EXOC6B: variants seen among roughly 807,000 people sequenced by gnomAD.
EXOC6B encodes the protein SEC15 homolog B.
Under a neutral mutation model 113.5 loss-of-function variants are expected in EXOC6B, and 54 were observed. That is an observed-to-expected ratio of 0.48 (90% confidence interval 0.38 to 0.60). The LOEUF (loss-of-function observed/expected upper bound fraction) is 0.60, where lower values mean the gene tolerates loss of function less well. Among genes scored for constraint, EXOC6B ranks in the 20% least tolerant of loss-of-function variants. The pLI, the probability that EXOC6B is intolerant of heterozygous loss-of-function variation, is 0.00. For missense variants in EXOC6B, 797 were observed against 977.5 expected, an observed-to-expected ratio of 0.82 and a Z score of 2.46; for synonymous variants, 357 against 339.0, an observed-to-expected ratio of 1.05 and a Z score of -0.58.
At chr2:72,303,057 T>C (rs1312097765) in intron 20 of EXOC6B, among the ~76,000 whole-genome samples, 1 of 152,216 alleles carries the variant, frequency 6.6e-6, no homozygotes, top group Non-Finnish European at 1.5e-5. Context: ...GAAAAGAATC[T>C]TATTTCTCCT....
At chr2:72,754,592 AT>A (rs1015635048) in intron 1 of EXOC6B, among the ~76,000 whole-genome samples, 5 of 147,842 alleles carry the variant, frequency 3.4e-5, no homozygotes, top group African/African-American at 1.2e-4. Context: ...TATGTATTTC[AT>A]TTTTTTAATA....
intron 1 of EXOC6B, among the ~76,000 whole-genome samples, chr2:72,808,650 G>A (rs1248867706): frequency 6.6e-6 from 1 of 152,174 alleles, no homozygotes; most frequent in African/African-American, 2.4e-5. Flanking sequence ...AGGCATAGTG[G>A]TACACACCTG....
intron 6 of EXOC6B, among the ~76,000 whole-genome samples, chr2:72,607,536 T>C (rs915873034): frequency 2.0e-5 from 3 of 152,312 alleles, no homozygotes; most frequent in South Asian, 4.1e-4. Context: ...AAATAAATTT[T>C]TTACAAATGC....
chr2:72,367,664 G>A (rs1271172528), intron 19 of EXOC6B, among the ~76,000 whole-genome samples: 4 of 152,160 alleles, frequency 2.6e-5, no homozygotes, highest in African/African-American at 9.7e-5. Flanking sequence ...ATCTTGTATT[G>A]CTGACGCCAC....
At chr2:72,777,115 C>G (rs1683753136) in intron 1 of EXOC6B, among the ~76,000 whole-genome samples, 1 of 152,124 alleles carries the variant, frequency 6.6e-6, no homozygotes, top group Non-Finnish European at 1.5e-5. Flanking sequence ...GTGGCACATG[C>G]CTGTAATCCC....
At chr2:72,498,346 T>C in intron 13 of EXOC6B, 108 bp downstream of exon 13, 1 of 659,354 alleles carries the variant, frequency 1.5e-6, no homozygotes, top group Non-Finnish European at 2.5e-6. Context: ...AAAATATAAG[T>C]AACATATACT....
chr2:72,307,766 G>A (rs990135347), intron 20 of EXOC6B, among the ~76,000 whole-genome samples: 28 of 152,058 alleles, frequency 1.8e-4, no homozygotes, highest in African/African-American at 6.8e-4. Context: ...ACATGATACT[G>A]TATATAATGT....
rs970940567 is a variant in EXOC6B at position 72,685,250 on chromosome 2, T to C, written c.669+32853A>G. The stretch of plus-strand genomic sequence containing the variant: ...TTTGAAATTTTTCAAAATGAAATGT[T>C]AAGAAAAAAAAAGTAAACTTTGATC... On this transcript the variant is annotated intron_variant, in intron 6 of 21. Transcript: ENST00000272427. Among the ~76,000 whole-genome samples the C allele has an allele frequency of 3.9e-5, 6 of 151,954 alleles. No individual in the cohort carries two copies. The East Asian group carries it at 1.2e-3, about 29-fold the overall frequency.
chr2:72,360,468 A>G (rs1690243075), intron 19 of EXOC6B, among the ~76,000 whole-genome samples: 1 of 149,394 alleles, frequency 6.7e-6, no homozygotes, highest in South Asian at 2.1e-4. Flanking sequence ...AGCCAAGCTT[A>G]TAATTAAGGT....
intron 20 of EXOC6B, among the ~76,000 whole-genome samples, chr2:72,259,981 G>A (rs191301278): frequency 1.3e-5 from 2 of 152,174 alleles, no homozygotes; most frequent in East Asian, 3.9e-4. Flanking sequence ...GAGCCCAGAA[G>A]GTCAAGGCTG....
At chr2:72,416,995 A>G (rs987696672) in intron 18 of EXOC6B, among the ~76,000 whole-genome samples, 2 of 152,166 alleles carry the variant, frequency 1.3e-5, no homozygotes, top group Non-Finnish European at 2.9e-5. Context: ...AAGTTTTATC[A>G]TAGGAACCAC....
At chr2:72,397,589 C>A in intron 18 of EXOC6B, among the ~76,000 whole-genome samples, 1 of 136,102 alleles carries the variant, frequency 7.3e-6, no homozygotes, top group South Asian at 2.1e-4. Flanking sequence ...CACTGCACTC[C>A]AGCCTGGTGA....
chr2:72,405,287 T>C (rs947140045), intron 18 of EXOC6B, among the ~76,000 whole-genome samples: 1 of 152,310 alleles, frequency 6.6e-6, no homozygotes, highest in African/African-American at 2.4e-5. Flanking sequence ...TGCAGGATAT[T>C]ATCCAGGAGA....
At chr2:72,456,605 C>A (rs1010741343) in intron 18 of EXOC6B, among the ~76,000 whole-genome samples, 1 of 152,064 alleles carries the variant, frequency 6.6e-6, no homozygotes, top group Non-Finnish European at 1.5e-5. Flanking sequence ...AACCCTTTCA[C>A]CTATTTGCTG....
At chr2:72,604,111 A>C (rs1044336943) in intron 6 of EXOC6B, among the ~76,000 whole-genome samples, 5 of 152,230 alleles carry the variant, frequency 3.3e-5, no homozygotes, top group Non-Finnish European at 5.9e-5. Flanking sequence ...CACTGACGGA[A>C]GTTTCTGTCA....
chr2:72,320,360 T>C (rs543454700), intron 20 of EXOC6B, among the ~76,000 whole-genome samples: 37 of 152,060 alleles, frequency 2.4e-4, no homozygotes, highest in Admixed American at 2.4e-3. Flanking sequence ...GATCAAGACA[T>C]AGCAAAAGGA....
intron 6 of EXOC6B, among the ~76,000 whole-genome samples, chr2:72,705,828 C>T (rs1364211096): frequency 6.6e-6 from 1 of 152,172 alleles, no homozygotes; most frequent in Non-Finnish European, 1.5e-5. Flanking sequence ...GTTATGCGCT[C>T]ATTTCTCTGT....
chr2:72,224,994 G>GTGTATATATATATATA lies in EXOC6B; in HGVS notation c.2197-40808_2197-40807insTATATATATATATACA, dbSNP rs908047817. Among the ~76,000 whole-genome samples the GTGTATATATATATATA allele has an allele frequency of 6.5e-4, 89 of 137,266 alleles. 1 individual carries two copies. Among genetic ancestry groups the GTGTATATATATATATA allele is most frequent in the Non-Finnish European group, 8.8e-4 (55 of 62,244 alleles). 90.1% of individuals were successfully genotyped at this position (137,266 alleles called of 152,430 possible). Reference sequence around the variant, plus strand: ...CATCTCTCTCTGTATGTGTGTGTGTGTATATATATATAAATACACATACTT... The same window carrying GTGTATATATATATATA: ...CATCTCTCTCTGTATGTGTGTGTGTGTGTATATATATATATATATATATATATAAATACACATACTT... On this transcript the variant is annotated intron_variant, in intron 20 of 21. Coordinates refer to ENST00000272427, the MANE Select transcript of EXOC6B (RefSeq NM_015189.3).
chr2:72,620,097 C>T (rs1671653411), intron 6 of EXOC6B, among the ~76,000 whole-genome samples: 1 of 152,216 alleles, frequency 6.6e-6, no homozygotes, highest in South Asian at 2.1e-4. Context: ...CCTCCCAGTC[C>T]TTCGAGGAAG....
Sources: gnomAD v4.1 joint callset for allele counts (sites outside exome capture counted in the v4.1 genomes callset) on GRCh38, gnomAD v4.1.1 for gene constraint, MANE v1.5 for transcripts, NCBI Gene and HGNC (gene_info 2026-07-23, HGNC 2026-07-21) for gene names.